Variants in KCNQ3 observed in about 807,000 individuals in gnomAD.
KCNQ3 encodes the protein potassium voltage-gated channel subfamily Q member 3.
In KCNQ3, 30 loss-of-function variants were observed where a neutral mutation model predicts 92.5. That is an observed-to-expected ratio of 0.32 (90% CI 0.24 to 0.44). The LOEUF (loss-of-function observed/expected upper bound fraction) is 0.44. KCNQ3 is among the 20% of genes least tolerant of loss of function. KCNQ3 has a pLI of 1.00. For missense variants in KCNQ3, 913 were observed against 1,140.3 expected, an observed-to-expected ratio of 0.80 and a Z score of 2.87; for synonymous variants, 450 against 468.8, an observed-to-expected ratio of 0.96 and a Z score of 0.52.
intron 11 of KCNQ3, among the ~76,000 whole-genome samples, chr8:132,138,493 T>C (rs1825178571): frequency 6.6e-6 from 1 of 152,172 alleles, no homozygotes; most frequent in Admixed American, 6.5e-5. Context: ...ACAGCTGATA[T>C]ATCTCATCCT....
chr8:132,312,693 C>T (rs1258743227), intron 1 of KCNQ3, among the ~76,000 whole-genome samples: 1 of 152,114 alleles, frequency 6.6e-6, no homozygotes, highest in East Asian at 1.9e-4. Flanking sequence ...TGAGTGAGTT[C>T]TCACAAGATC....
chr8:132,345,264 AC>A (rs770703591), intron 1 of KCNQ3, among the ~76,000 whole-genome samples: 12 of 152,168 alleles, frequency 7.9e-5, no homozygotes, highest in Non-Finnish European at 1.3e-4. Context: ...AACCACCCAC[AC>A]CCATCCTGCC....
At chr8:132,248,965 G>A (rs1815290093) in intron 1 of KCNQ3, among the ~76,000 whole-genome samples, 2 of 152,228 alleles carry the variant, frequency 1.3e-5, no homozygotes, top group Admixed American at 6.5e-5. Context: ...AGACCCTCGC[G>A]GTGAGCGTTA....
chr8:132,138,718 G>T (rs572504972), intron 11 of KCNQ3, among the ~76,000 whole-genome samples: 14 of 152,258 alleles, frequency 9.2e-5, no homozygotes, highest in African/African-American at 3.4e-4. Context: ...CTAATCACAG[G>T]TCAGTGTCAG....
At position 132,186,907 on chromosome 8, in the gene KCNQ3, CGTGT is replaced by C. The variant is rs145871547; in HGVS notation, c.387-730_387-727del. The stretch of plus-strand genomic sequence containing the variant: ...TGTTATCTTTATAAACTGTGAGGTG[CGTGT>C]GTGTGTGTGTGTGTGTGTGTGTGAG... On this transcript the variant is annotated intron_variant, in intron 1 of 14. Transcript: ENST00000388996. 1.0e-2 allele frequency among the ~76,000 whole-genome samples: 1,112 copies of C among 111,288 alleles called. 49 individuals are homozygous for C. Among genetic ancestry groups the C allele is most frequent in the African/African-American group, 0.026 (674 of 26,004 alleles). The allele number at this position is 111,288 out of a possible 152,430, so 73.0% of individuals were successfully genotyped here.
chr8:132,269,713 G>C (rs1816094592), intron 1 of KCNQ3, among the ~76,000 whole-genome samples: 1 of 152,128 alleles, frequency 6.6e-6, no homozygotes, highest in East Asian at 1.9e-4. Flanking sequence ...CTTAACTAAG[G>C]AACAAATCTT....
chr8:132,294,467 G>A (rs572371474), intron 1 of KCNQ3, among the ~76,000 whole-genome samples: 5 of 152,302 alleles, frequency 3.3e-5, no homozygotes, highest in African/African-American at 1.2e-4. Flanking sequence ...TGAGGCTAGA[G>A]TTAGGAAGAA....
chr8:132,444,612 C>A (rs1437801773), intron 1 of KCNQ3, among the ~76,000 whole-genome samples: 3 of 152,162 alleles, frequency 2.0e-5, no homozygotes. Flanking sequence ...GTTGTGCAAA[C>A]TGAGCATGTT....
intron 1 of KCNQ3, among the ~76,000 whole-genome samples, chr8:132,450,517 C>T (rs62520396): frequency 6.6e-6 from 1 of 152,338 alleles, no homozygotes; most frequent in South Asian, 2.1e-4. Context: ...GTACTGCCAA[C>T]ACCTTCCCCC....
intron 1 of KCNQ3, among the ~76,000 whole-genome samples, chr8:132,443,036 A>G (rs1821579103): frequency 6.6e-6 from 1 of 152,190 alleles, no homozygotes; most frequent in Non-Finnish European, 1.5e-5. Context: ...GGTAATCCAC[A>G]TGGAGAGAAA....
chr8:132,352,676 GATTTT>G (rs1818909181), intron 1 of KCNQ3, among the ~76,000 whole-genome samples: 1 of 152,146 alleles, frequency 6.6e-6, no homozygotes, highest in South Asian at 2.1e-4. Flanking sequence ...CTTTTCCTTT[GATTTT>G]ATTTTTCATT....
At chr8:132,186,633 T>C (rs372462518) in intron 1 of KCNQ3, 6 of 301,510 alleles carry the variant, frequency 2.0e-5, no homozygotes, top group African/African-American at 1.1e-4. Flanking sequence ...ATTCCAAAGA[T>C]TGAAAAATTC....
intron 1 of KCNQ3, among the ~76,000 whole-genome samples, chr8:132,274,475 T>C (rs1816262086): frequency 6.6e-6 from 1 of 152,118 alleles, no homozygotes. Flanking sequence ...CCAAACCATA[T>C]CAGTTTCTTT....
At chr8:132,430,955 C>T (rs1195678189) in intron 1 of KCNQ3, among the ~76,000 whole-genome samples, 11 of 152,138 alleles carry the variant, frequency 7.2e-5, no homozygotes, top group Admixed American at 7.2e-4. Context: ...GGCTGCCAAC[C>T]TGGGGGTTCA....
At chr8:132,179,206 G>A (rs1446670274) in intron 4 of KCNQ3, among the ~76,000 whole-genome samples, 1 of 151,586 alleles carries the variant, frequency 6.6e-6, no homozygotes, top group Non-Finnish European at 1.5e-5. Flanking sequence ...GTTAGGAATA[G>A]GAAGGAAACA....
Position 132,211,181 on chromosome 8 carries a change from C to G in KCNQ3, c.387-25000G>C, listed in dbSNP as rs565810106. 6.6e-5 allele frequency among the ~76,000 whole-genome samples: 10 copies of G among 152,252 alleles called. No homozygotes were observed. In the South Asian group the frequency reaches 2.1e-3, roughly 32 times the overall value. On this transcript the variant is annotated intron_variant, in intron 1 of 14. Coordinates refer to ENST00000388996, the MANE Select transcript of KCNQ3 (RefSeq NM_004519.4). ...AAGTCATGCATCATTTTTTGTAATC[C>G]TCACAGCAAACTATTGATATACAAG... is the stretch of plus-strand genomic sequence containing the variant.
chr8:132,204,258 C>A (rs936165506), intron 1 of KCNQ3, among the ~76,000 whole-genome samples: 1 of 152,250 alleles, frequency 6.6e-6, no homozygotes, highest in Non-Finnish European at 1.5e-5. Flanking sequence ...GCATCTCCAA[C>A]ACCAGCAATG....
chr8:132,366,460 G>A (rs1227480582), intron 1 of KCNQ3, among the ~76,000 whole-genome samples: 1 of 151,938 alleles, frequency 6.6e-6, no homozygotes, highest in South Asian at 2.1e-4. Context: ...AATAACATTG[G>A]CTAGTACCTC....
chr8:132,289,381 G>A (rs1816776264), intron 1 of KCNQ3, among the ~76,000 whole-genome samples: 3 of 152,172 alleles, frequency 2.0e-5, no homozygotes, highest in Admixed American at 2.0e-4. Flanking sequence ...TCCTTGTGCT[G>A]AAAAGAGTTG....
Sources: allele counts gnomAD v4.1 joint callset (sites outside exome capture counted in the v4.1 genomes callset), GRCh38; gene constraint gnomAD v4.1.1; transcripts MANE v1.5; gene names NCBI Gene and HGNC (gene_info 2026-07-23, HGNC 2026-07-21).